CNTN6: variants seen among roughly 807,000 people sequenced by gnomAD.
CNTN6 encodes the protein contactin 6.
In CNTN6, 137 loss-of-function variants were observed where a neutral mutation model predicts 122.8. The observed-to-expected ratio is 1.12, with a 90% CI of 0.97 to 1.29. The LOEUF (loss-of-function observed/expected upper bound fraction) is 1.29, where lower values mean the gene tolerates loss of function less well. CNTN6 is among the 50% of genes most tolerant of loss of function. The pLI is 0.00. For missense variants in CNTN6, 1,634 were observed against 1,223.4 expected (o/e 1.34, Z -5.01); for synonymous variants, 570 against 426.0 (o/e 1.34, Z -4.16).
At chr3:1,304,046 A>G (rs996430774) in intron 7 of CNTN6, among the ~76,000 whole-genome samples, 3 of 152,154 alleles carry the variant, frequency 2.0e-5, no homozygotes, top group Admixed American at 6.5e-5. Flanking sequence ...GAGTAATGCC[A>G]TTCTTTCTAA....
intron 20 of CNTN6, among the ~76,000 whole-genome samples, chr3:1,398,364 A>T (rs1430759457): frequency 6.6e-6 from 1 of 152,168 alleles, no homozygotes; most frequent in African/African-American, 2.4e-5. Context: ...ATAAGAAAGG[A>T]TGTAGACTAA....
At chr3:1,197,809 A>G (rs1447031755) in intron 2 of CNTN6, among the ~76,000 whole-genome samples, 1 of 152,212 alleles carries the variant, frequency 6.6e-6, no homozygotes, top group African/African-American at 2.4e-5. Flanking sequence ...ATGTTATTTC[A>G]TTAAATAAGA....
At chr3:1,115,091 C>T (rs2091658514) in intron 1 of CNTN6, among the ~76,000 whole-genome samples, 1 of 152,056 alleles carries the variant, frequency 6.6e-6, no homozygotes, top group African/African-American at 2.4e-5. Context: ...AAAAAAATAG[C>T]AGAAAGCTGG....
At position 1,115,222 on chromosome 3, in the gene CNTN6, G is replaced by A. The variant is rs192723593; in HGVS notation, c.-83+22102G>A. Among the ~76,000 whole-genome samples, 11 of 152,222 alleles carry A rather than the reference G, an allele frequency of 7.2e-5. No individual in the cohort carries two copies. The East Asian group carries it at 9.7e-4, about 13-fold the overall frequency. On this transcript the variant is annotated intron_variant, in intron 1 of 22. Coordinates refer to ENST00000446702, the MANE Select transcript of CNTN6 (RefSeq NM_001289080.2). ...AATTCCCCAGTAAAAACCAGAGTTA[G>A]CCTTGATAACCTAAGAAGAAAGCCC...
In CNTN6 at chr3:1,113,529, G is replaced by T. The variant is rs961151505; in HGVS notation, c.-83+20409G>T. ...CTTCATTGTAAATTCTAGGAAAAGGGCCTGATTTCAGAAGAAAGATAAAGT... is the reference window on the plus strand; with the variant it reads ...CTTCATTGTAAATTCTAGGAAAAGGTCCTGATTTCAGAAGAAAGATAAAGT... On this transcript the variant is annotated intron_variant, in intron 1 of 22. Coordinates refer to ENST00000446702, the MANE Select transcript of CNTN6 (RefSeq NM_001289080.2). 9.9e-5 allele frequency among the ~76,000 whole-genome samples: 15 copies of T among 152,228 alleles called. No individual in the cohort carries two copies. In the East Asian group the frequency reaches 1.7e-3, roughly 18 times the overall value.
At chr3:1,400,447 A>G (rs1228872035) in intron 20 of CNTN6, among the ~76,000 whole-genome samples, 3 of 151,878 alleles carry the variant, frequency 2.0e-5, no homozygotes, top group Non-Finnish European at 4.4e-5. Context: ...GCCAGATTCT[A>G]AATCTTTCAT....
At chr3:1,256,786 T>G (rs1348083601) in intron 4 of CNTN6, among the ~76,000 whole-genome samples, 1 of 152,174 alleles carries the variant, frequency 6.6e-6, no homozygotes, top group Non-Finnish European at 1.5e-5. Flanking sequence ...ATAATTATTC[T>G]AAATAAATGT....
At chr3:1,127,215 C>T (rs993813092) in intron 1 of CNTN6, among the ~76,000 whole-genome samples, 12 of 151,702 alleles carry the variant, frequency 7.9e-5, no homozygotes, top group African/African-American at 2.9e-4. Flanking sequence ...TTCAAAGACA[C>T]ATTCTAGCAC....
At position 1,097,743 on chromosome 3, in the gene CNTN6, G is replaced by A. The variant is rs549343002; in HGVS notation, c.-83+4623G>A. 5.3e-5 allele frequency among the ~76,000 whole-genome samples: 8 copies of A among 152,198 alleles called. No individual in the cohort carries two copies. The South Asian group carries it at 1.0e-3, about 20-fold the overall frequency. ...AGCAGGTAAATATGTAAAAAATCTT[G>A]GAAGAAAGCCTGGCAATTAAGAAGC... On this transcript the variant is annotated intron_variant, in intron 1 of 22. Transcript: ENST00000446702.
chr3:1,390,661 A>T (rs1693989237), intron 20 of CNTN6, among the ~76,000 whole-genome samples: 1 of 152,218 alleles, frequency 6.6e-6, no homozygotes, highest in Non-Finnish European at 1.5e-5. Flanking sequence ...ATAGACCGCT[A>T]GCAAGACTAA....
intron 4 of CNTN6, among the ~76,000 whole-genome samples, chr3:1,244,325 C>G (rs996112962): frequency 3.3e-5 from 5 of 152,062 alleles, no homozygotes; most frequent in Non-Finnish European, 5.9e-5. Flanking sequence ...GGGTTCTTGC[C>G]TCCTAGAAAA....
At chr3:1,147,037 CAG>C (rs1336016821) in intron 1 of CNTN6, among the ~76,000 whole-genome samples, 1 of 151,826 alleles carries the variant, frequency 6.6e-6, no homozygotes, top group Non-Finnish European at 1.5e-5. Flanking sequence ...TAACTCATGA[CAG>C]AAAGAAATGA....
chr3:1,362,499 C>A (rs1289585410), intron 12 of CNTN6, among the ~76,000 whole-genome samples: 2 of 151,980 alleles, frequency 1.3e-5, no homozygotes, highest in Admixed American at 6.6e-5. Context: ...CTGACAATTG[C>A]AAGTGCTAAC....
At chr3:1,107,941 C>T (rs2091301653) in intron 1 of CNTN6, among the ~76,000 whole-genome samples, 1 of 151,988 alleles carries the variant, frequency 6.6e-6, no homozygotes, top group African/African-American at 2.4e-5. Context: ...AAAGTTACCT[C>T]CATCTGAAAG....
chr3:1,230,736 A>G (rs1309244728), intron 4 of CNTN6, among the ~76,000 whole-genome samples: 1 of 152,218 alleles, frequency 6.6e-6, no homozygotes, highest in Non-Finnish European at 1.5e-5. Flanking sequence ...GAACTTGTGT[A>G]TAGACAAAGA....
At position 1,402,317 on chromosome 3, in the gene CNTN6, G is replaced by C; in HGVS notation, c.2818-1G>C. 1 of 1,605,682 alleles carries C rather than the reference G, an allele frequency of 6.2e-7. No homozygotes were observed. The highest frequency in any genetic ancestry group is 1.1e-5 in the South Asian group (1 of 90,464). Reference sequence around the variant, plus strand: ...TTAACTTGATACCTCATTTTATTCAGATTCTGTACCGGCAAAACAGACAGA... The same window carrying C: ...TTAACTTGATACCTCATTTTATTCACATTCTGTACCGGCAAAACAGACAGA... On this transcript the variant is annotated splice_acceptor_variant, in intron 21 of 22. Transcript: ENST00000446702. LOFTEE classifies it high-confidence loss of function.
intron 6 of CNTN6, among the ~76,000 whole-genome samples, chr3:1,296,017 C>T (rs1284986276): frequency 6.6e-6 from 1 of 152,172 alleles, no homozygotes; most frequent in East Asian, 1.9e-4. Flanking sequence ...CAAGCCATCT[C>T]CTTTCTGGCA....
At chr3:1,124,184 T>C (rs1338947389) in intron 1 of CNTN6, among the ~76,000 whole-genome samples, 1 of 151,950 alleles carries the variant, frequency 6.6e-6, no homozygotes, top group East Asian at 1.9e-4. Flanking sequence ...AAGACAAGGA[T>C]GCTCCTGGAT....
At chr3:1,348,683 C>T (rs17038039) in intron 11 of CNTN6, among the ~76,000 whole-genome samples, 7,744 of 151,942 alleles carry the variant, frequency 0.051, 238 homozygotes, top group African/African-American at 0.075. Context: ...TGAACTAAAA[C>T]GGAACTTGCT....
Sources: allele counts gnomAD v4.1 joint callset (sites outside exome capture counted in the v4.1 genomes callset), GRCh38; gene constraint gnomAD v4.1.1; transcripts MANE v1.5; gene names NCBI Gene and HGNC (gene_info 2026-07-23, HGNC 2026-07-21).